The following DEFB119 variants were observed in gnomAD, a reference collection of about 807,000 sequenced individuals.
DEFB119 encodes the protein beta-defensin 119.
In DEFB119, 3 loss-of-function variants were observed where a neutral mutation model predicts 2.5. The observed-to-expected ratio is 1.19, with a 90% CI of 0.54 to 3.07. The LOEUF (loss-of-function observed/expected upper bound fraction) is 3.07. DEFB119 is among the 30% of genes most tolerant of loss of function. DEFB119 has a pLI of 0.03. For synonymous variants in DEFB119, 29 were observed against 33.7 expected (o/e 0.86, Z 0.48); for missense variants, 113 against 101.1 (o/e 1.12, Z -0.50).
At chr20:31,378,450 CATA>C (rs1231309966) in intron 1 of DEFB119, 4 of 1,608,320 alleles carry the variant, frequency 2.5e-6, no homozygotes, top group Admixed American at 1.7e-5. Context: ...CATCTCATAA[CATA>C]ATAATATCAA....
chr20:31,388,440 T>C (rs868390135), intron 1 of DEFB119: 3 of 396,320 alleles, frequency 7.6e-6, no homozygotes, highest in Middle Eastern at 1.3e-3. Context: ...AGTCTGCCAG[T>C]AGTAAGTGGC....
chr20:31,390,297 C>T, intron 1 of DEFB119, 126 bp downstream of exon 1: 1 of 889,938 alleles, frequency 1.1e-6, no homozygotes, highest in Non-Finnish European at 1.8e-6. Flanking sequence ...TGAGATGATC[C>T]TGGGCAAACC....
intron 1 of DEFB119, among the ~76,000 whole-genome samples, chr20:31,384,131 G>C (rs183034596): frequency 2.0e-5 from 3 of 152,196 alleles, no homozygotes; most frequent in Non-Finnish European, 4.4e-5. Flanking sequence ...AACCCACTGA[G>C]AGACTTGATC....
intron 1 of DEFB119, among the ~76,000 whole-genome samples, chr20:31,386,329 G>A (rs1366525628): frequency 6.6e-6 from 1 of 152,180 alleles, no homozygotes; most frequent in Non-Finnish European, 1.5e-5. Flanking sequence ...GGCAGCCTAA[G>A]TGTCCCAGCT....
At chr20:31,388,017 G>C (rs968169626) in intron 1 of DEFB119, 5 of 975,770 alleles carry the variant, frequency 5.1e-6, no homozygotes, top group East Asian at 2.3e-4. Flanking sequence ...GAGCACTCTT[G>C]GTCCCTGGCC....
At chr20:31,388,012 C>T in intron 1 of DEFB119, 1 of 968,550 alleles carries the variant, frequency 1.0e-6, no homozygotes, top group East Asian at 1.1e-4. Flanking sequence ...TTACCGAGCA[C>T]TCTTGGTCCC....
intron 1 of DEFB119, among the ~76,000 whole-genome samples, chr20:31,386,094 G>A (rs1024960161): frequency 2.6e-5 from 4 of 151,970 alleles, no homozygotes; most frequent in Non-Finnish European, 1.5e-5. Context: ...GGACAGTCAT[G>A]GGAGGTGAAA....
intron 1 of DEFB119, chr20:31,388,150 T>A: frequency 1.0e-6 from 1 of 984,970 alleles, no homozygotes; most frequent in Non-Finnish European, 1.2e-6. Context: ...CCAAACAGGA[T>A]TCTTAAATGT....
chr20:31,377,367 G>A lies in DEFB119; in HGVS notation c.134C>T (p.Pro45Leu). The A allele has an allele frequency of 6.2e-7, 1 of 1,614,104 alleles. No individual in the cohort carries two copies. ...CTGACAATTTCTGCAATAGAGGTAG[G>A]GCTGTTCGTTCTTTTTGCAAGAGGC... ...CRASCKKNEQ[P>L]YLYCRNCQSC... Residue 45 changes from proline (P) to leucine (L), a missense_variant, in exon 2 of 2, where the codon CCC (proline) becomes CTC (leucine). Physicochemically the swap from Pro to Leu is moderately conservative, Grantham distance 98. Coordinates refer to ENST00000376321, the MANE Select transcript of DEFB119 (RefSeq NM_153289.4).
At chr20:31,389,068 G>C in intron 1 of DEFB119, 1 of 1,614,174 alleles carries the variant, frequency 6.2e-7, no homozygotes, top group Non-Finnish European at 8.5e-7. Context: ...AGCTGTTGTG[G>C]ACATCTGAGG....
At chr20:31,383,859 A>G (rs1986592827) in intron 1 of DEFB119, among the ~76,000 whole-genome samples, 3 of 152,024 alleles carry the variant, frequency 2.0e-5, no homozygotes. Context: ...AAATAAATAA[A>G]TAAATAAATA....
Position 31,390,552 on chromosome 20 carries a change from G to T in DEFB119, c.-69C>A. The T allele has an allele frequency of 6.9e-7, 1 of 1,455,154 alleles. No homozygotes were observed. Among genetic ancestry groups the T allele is most frequent in the Non-Finnish European group, 9.5e-7 (1 of 1,047,402 alleles). 90.1% of individuals were successfully genotyped at this position (1,455,154 alleles called of 1,614,324 possible). Reference sequence around the variant, plus strand: ...AGGAAATAGGGTTCCCTGCAGCACGGCAGAGATGAGCTTTGCTTTTATCAG... The same window carrying T: ...AGGAAATAGGGTTCCCTGCAGCACGTCAGAGATGAGCTTTGCTTTTATCAG... On this transcript the variant is annotated 5_prime_UTR_variant, in exon 1 of 2. Transcript: ENST00000376321.
intron 1 of DEFB119, among the ~76,000 whole-genome samples, chr20:31,383,533 T>TAA (rs34549958): frequency 3.4e-3 from 186 of 55,448 alleles, no homozygotes; most frequent in Middle Eastern, 0.01. Flanking sequence ...GACTCTGTCT[T>TAA]AAAAAAAAAA....
intron 1 of DEFB119, chr20:31,389,367 C>T: frequency 9.0e-7 from 1 of 1,114,984 alleles, no homozygotes; most frequent in Non-Finnish European, 1.3e-6. Flanking sequence ...GACCCAGTCC[C>T]AGGAAAAGAG....
At position 31,377,192 on chromosome 20, in the gene DEFB119, G is replaced by C. The variant is rs991582360; in HGVS notation, c.*54C>G. 7 of 1,510,114 alleles carry C rather than the reference G, an allele frequency of 4.6e-6. No homozygotes were observed. In the African/African-American group the frequency reaches 9.7e-5, roughly 21 times the overall value. The allele number at this position is 1,510,114 out of a possible 1,614,324, so 93.5% of individuals were successfully genotyped here. On this transcript the variant is annotated 3_prime_UTR_variant, in exon 2 of 2. Transcript: ENST00000376321. ...CAGGCACATGAATTTTAATGAGGGG[G>C]GTTGACAGCAGGTCTCTGTGCCCAG...
chr20:31,384,460 TA>T (rs1025423712), intron 1 of DEFB119, among the ~76,000 whole-genome samples: 6 of 151,628 alleles, frequency 4.0e-5, no homozygotes, highest in East Asian at 1.9e-4. Flanking sequence ...ACTTTTAAGA[TA>T]AAAAAAATTC....
intron 1 of DEFB119, 120 bp downstream of exon 1, chr20:31,390,303 A>G: frequency 1.1e-6 from 1 of 947,586 alleles, no homozygotes; most frequent in Non-Finnish European, 1.7e-6. Flanking sequence ...GATCCTGGGC[A>G]AACCTCCCGA....
chr20:31,377,460 C>A, intron 1 of DEFB119, 21 bp from the exon 2 acceptor site: 8 of 1,605,188 alleles, frequency 5.0e-6, no homozygotes, highest in Non-Finnish European at 6.8e-6. Flanking sequence ...AAAAAAAATA[C>A]AAATAGTTAA....
intron 1 of DEFB119, among the ~76,000 whole-genome samples, chr20:31,389,558 A>T (rs1244079224): frequency 6.6e-6 from 1 of 152,160 alleles, no homozygotes; most frequent in East Asian, 1.9e-4. Context: ...CTAGGGATGA[A>T]GGGAAAAGGA....
Sources: allele counts gnomAD v4.1 joint callset (sites outside exome capture counted in the v4.1 genomes callset), GRCh38; gene constraint gnomAD v4.1.1; transcripts MANE v1.5; gene names NCBI Gene and HGNC (gene_info 2026-07-23, HGNC 2026-07-21).